The following EYS variants were observed in gnomAD, a reference collection of about 807,000 sequenced individuals.
EYS encodes the protein EGF-like photoreceptor maintenance factor.
In EYS, 250 loss-of-function variants were observed where a neutral mutation model predicts 282.1. That is an observed-to-expected ratio of 0.89 (90% CI 0.80 to 0.98). The LOEUF (loss-of-function observed/expected upper bound fraction) is 0.98. EYS is among the 50% of genes least tolerant of loss of function. The pLI is 0.00. For missense variants in EYS, 4,016 were observed against 3,709.0 expected, an observed-to-expected ratio of 1.08 and a Z score of -2.15; for synonymous variants, 1,355 against 1,282.9, an observed-to-expected ratio of 1.06 and a Z score of -1.20.
At chr6:64,932,152 C>G (rs1028314965) in intron 15 of EYS, among the ~76,000 whole-genome samples, 4 of 152,062 alleles carry the variant, frequency 2.6e-5, no homozygotes, top group Non-Finnish European at 4.4e-5. Context: ...AACCATCCCT[C>G]TCTCCCCAGC....
intron 8 of EYS, among the ~76,000 whole-genome samples, chr6:65,374,499 G>A (rs969502411): frequency 8.0e-6 from 1 of 124,928 alleles, no homozygotes; most frequent in African/African-American, 2.7e-5. Context: ...AGCTACCTGC[G>A]GAGTTTTTTT....
At chr6:65,706,810 G>A (rs1473950913) in intron 1 of EYS, among the ~76,000 whole-genome samples, 2 of 152,050 alleles carry the variant, frequency 1.3e-5, no homozygotes, top group Admixed American at 6.6e-5. Context: ...CTCAAAAATC[G>A]AAAGCAATCA....
chr6:64,513,202 A>C (rs1777461981), intron 26 of EYS, among the ~76,000 whole-genome samples: 1 of 151,910 alleles, frequency 6.6e-6, no homozygotes, highest in Non-Finnish European at 1.5e-5. Context: ...TAGATAATTA[A>C]AAATTCATAA....
At chr6:65,284,424 G>GA (rs1260023119) in intron 12 of EYS, among the ~76,000 whole-genome samples, 2 of 151,712 alleles carry the variant, frequency 1.3e-5, no homozygotes, top group Non-Finnish European at 2.9e-5. Flanking sequence ...TATACCATAA[G>GA]AAAAAATATC....
intron 28 of EYS, among the ~76,000 whole-genome samples, chr6:64,421,482 C>T (rs1333304790): frequency 6.6e-6 from 1 of 152,152 alleles, no homozygotes; most frequent in East Asian, 1.9e-4. Context: ...ATTAGTATAA[C>T]TCTTAAATTA....
At chr6:65,108,190 CG>C (rs1255105812) in intron 12 of EYS, among the ~76,000 whole-genome samples, 5 of 118,444 alleles carry the variant, frequency 4.2e-5, no homozygotes, top group African/African-American at 1.0e-4. Context: ...AATGCAGGTC[CG>C]TTTAGAGATA....
intron 35 of EYS, among the ~76,000 whole-genome samples, chr6:63,948,345 C>T (rs1765460423): frequency 6.6e-6 from 1 of 152,176 alleles, no homozygotes; most frequent in Admixed American, 6.5e-5. Context: ...TTATCTTTGC[C>T]TTTTGTGCAC....
intron 12 of EYS, among the ~76,000 whole-genome samples, chr6:65,156,821 A>G (rs946878135): frequency 6.6e-6 from 1 of 151,074 alleles, no homozygotes; most frequent in Non-Finnish European, 1.5e-5. Context: ...CTGGCCTCCC[A>G]TTCTTTGCTT....
chr6:65,243,311 C>G (rs1767100067), intron 12 of EYS, among the ~76,000 whole-genome samples: 2 of 152,158 alleles, frequency 1.3e-5, no homozygotes, highest in Admixed American at 1.3e-4. Context: ...AGTACATATA[C>G]AAGATATGGC....
chr6:64,324,808 C>T (rs1770349669), intron 29 of EYS, among the ~76,000 whole-genome samples: 1 of 152,154 alleles, frequency 6.6e-6, no homozygotes, highest in African/African-American at 2.4e-5. Flanking sequence ...CGGTATATTT[C>T]TATGTATCAA....
In EYS at chr6:64,444,827, G is replaced by A. The variant is rs772582749; in HGVS notation, c.5645-5475C>T. Among the ~76,000 whole-genome samples, 17 of 152,154 alleles carry A rather than the reference G, an allele frequency of 1.1e-4. 1 individual carries two copies. The highest frequency in any genetic ancestry group is 1.0e-3 in the Admixed American group (16 of 15,266). ...GTGAGTTCTCACTCTGAGTTCACAT[G>A]ATATATGGCTGTTTAAAAGAGTGTG... On this transcript the variant is annotated intron_variant, in intron 26 of 42. Coordinates refer to ENST00000503581, the MANE Select transcript of EYS (RefSeq NM_001142800.2).
rs182202377 is a variant in EYS, at chr6:65,611,082, T to C, written c.-333+28696A>G. 4.8e-3 allele frequency among the ~76,000 whole-genome samples: 725 copies of C among 152,060 alleles called. 3 individuals are homozygous for C. Among genetic ancestry groups the C allele is most frequent in the Non-Finnish European group, 5.8e-3 (394 of 67,934 alleles). ...TATTAGTTTTGGCTTGATAATTTAATAAATTAATGCCCAGGAAATAATACA... is the reference window on the plus strand; with the variant it reads ...TATTAGTTTTGGCTTGATAATTTAACAAATTAATGCCCAGGAAATAATACA... On this transcript the variant is annotated intron_variant, in intron 2 of 42. Transcript: ENST00000503581.
intron 12 of EYS, among the ~76,000 whole-genome samples, chr6:65,173,426 C>CACCAA (rs138541635): frequency 0.12 from 17,865 of 150,948 alleles, 1,345 homozygotes; most frequent in African/African-American, 0.21. Flanking sequence ...ACGGGGGACT[C>CACCAA]ACCAAGTATT....
Position 65,344,255 on chromosome 6 carries a change from C to A in EYS, c.1460-78G>T. 4 of 1,175,630 alleles carry A rather than the reference C, an allele frequency of 3.4e-6. No homozygotes were observed. The South Asian group carries it at 3.9e-5, about 11-fold the overall frequency. 72.8% of individuals were successfully genotyped at this position (1,175,630 alleles called of 1,614,324 possible). On this transcript the variant is annotated intron_variant, in intron 9 of 42. Transcript: ENST00000503581. ...AGAATGAATTATTAAGGACTGTGGT[C>A]AAATTACTTGAAAAGATAAATTTGA...
At chr6:64,545,424 A>G (rs1442406777) in intron 26 of EYS, among the ~76,000 whole-genome samples, 1 of 152,156 alleles carries the variant, frequency 6.6e-6, no homozygotes, top group Admixed American at 6.6e-5. Context: ...ATACCGAATG[A>G]GCAAAAACTG....
chr6:63,825,143 CCTGACAACCTT>C lies in EYS; in HGVS notation c.7229-18782_7229-18772del, dbSNP rs143910704. Among the ~76,000 whole-genome samples, 852 of 152,230 alleles carry C rather than the reference CCTGACAACCTT, an allele frequency of 5.6e-3. 6 individuals carry two copies. The highest frequency in any genetic ancestry group is 0.019 in the African/African-American group (797 of 41,548). On this transcript the variant is annotated intron_variant, in intron 36 of 42. Transcript: ENST00000503581. The stretch of plus-strand genomic sequence containing the variant: ...GTGACTGCTGGCTTTCCCCTACTTC[CCTGACAACCTT>C]CATGACTAGGCAGAGGCAGCCACAA...
At chr6:64,642,776 A>T (rs1054800589) in intron 22 of EYS, among the ~76,000 whole-genome samples, 27 of 152,204 alleles carry the variant, frequency 1.8e-4, no homozygotes, top group African/African-American at 6.3e-4. Flanking sequence ...CCTTCTCTAC[A>T]TTGAGAGGAT....
rs115024177 is a variant in EYS, at chr6:65,127,804, T to C, written c.2024-70077A>G. On this transcript the variant is annotated intron_variant, in intron 12 of 42. Transcript: ENST00000503581. Reference sequence around the variant, plus strand: ...CAAATGAAGAGCCAGGGTGATGGGCTAAGACCTCATATATTAAATATGTAC... The same window carrying C: ...CAAATGAAGAGCCAGGGTGATGGGCCAAGACCTCATATATTAAATATGTAC... 6.2e-3 allele frequency among the ~76,000 whole-genome samples: 949 copies of C among 152,208 alleles called. 12 individuals are homozygous for C. Among genetic ancestry groups the C allele is most frequent in the African/African-American group, 0.022 (900 of 41,544 alleles).
chr6:65,675,345 T>G (rs1279538004), intron 1 of EYS, among the ~76,000 whole-genome samples: 2 of 151,774 alleles, frequency 1.3e-5, no homozygotes, highest in African/African-American at 2.4e-5. Flanking sequence ...ACCAAAACCA[T>G]GATTTAACTA....
Sources: allele counts gnomAD v4.1 joint callset (sites outside exome capture counted in the v4.1 genomes callset), GRCh38; gene constraint gnomAD v4.1.1; transcripts MANE v1.5; gene names NCBI Gene and HGNC (gene_info 2026-07-23, HGNC 2026-07-21).